PON1: variants seen among roughly 807,000 people sequenced by gnomAD.
PON1 encodes serum paraoxonase/arylesterase 1.
PON1 carries 37 observed loss-of-function variants against 39.2 expected under a neutral mutation model. The observed-to-expected ratio is 0.94, with a 90% CI of 0.73 to 1.24. PON1 has a LOEUF of 1.24. Among genes scored for constraint, PON1 ranks in the 50% most tolerant of loss-of-function variants. PON1 has a pLI of 0.00. For missense variants in PON1, 397 were observed against 413.5 expected, an observed-to-expected ratio of 0.96 and a Z score of 0.35; for synonymous variants, 148 against 152.2, an observed-to-expected ratio of 0.97 and a Z score of 0.21.
intron 5 of PON1, among the ~76,000 whole-genome samples, chr7:95,309,028 A>G (rs570072047): frequency 1.3e-5 from 2 of 152,198 alleles, no homozygotes; most frequent in Non-Finnish European, 2.9e-5. Context: ...GGAGAAAATT[A>G]TCTCTGCTCT....
intron 7 of PON1, among the ~76,000 whole-genome samples, chr7:95,303,594 A>T (rs938733000): frequency 6.6e-6 from 1 of 152,158 alleles, no homozygotes; most frequent in Non-Finnish European, 1.5e-5. Context: ...CTCCTACATG[A>T]GCTCTGCAAG....
rs3917539 is a variant in PON1, at chr7:95,308,384, T to TAA, written c.498-174_498-173insTT. 0.42 allele frequency among the ~76,000 whole-genome samples: 63,126 copies of TAA among 151,678 alleles called. 15,418 individuals are homozygous for TAA. The highest frequency in any genetic ancestry group is 0.67 in the African/African-American group (27,626 of 41,280). On this transcript the variant is annotated intron_variant, in intron 5 of 8. Transcript: ENST00000222381. ...AAATTAGTCCTGCCGATACAATCCT[T>TAA]AGACAATCATTGGTCTAAGAAATCT...
chr7:95,304,966 CT>C (rs1191171905), intron 7 of PON1, among the ~76,000 whole-genome samples: 2 of 152,154 alleles, frequency 1.3e-5, no homozygotes, highest in African/African-American at 2.4e-5. Flanking sequence ...AATTCTTTAA[CT>C]TTTGTTTTAC....
intron 5 of PON1, among the ~76,000 whole-genome samples, chr7:95,309,581 A>G (rs1807613028): frequency 6.6e-6 from 1 of 152,282 alleles, no homozygotes; most frequent in South Asian, 2.1e-4. Context: ...AATAGCTTTG[A>G]AATCTGATGG....
rs771512382 is a variant in PON1 at position 95,316,734 on chromosome 7, A to G, written c.201T>C (p.Ser67=). The G allele has an allele frequency of 1.2e-6, 2 of 1,612,688 alleles. No individual in the cohort carries two copies. The highest frequency in any genetic ancestry group is 4.5e-5 in the East Asian group (2 of 44,844). ...CAGAAAAGTGAAAGAAAACACTCACAGAGCTAATGAAAGCCAGTCCATTAG... is the reference window on the plus strand; with the variant it reads ...CAGAAAAGTGAAAGAAAACACTCACGGAGCTAATGAAAGCCAGTCCATTAG... ...ILPNGLAFIS[S]GLKYPGIKSF... The change falls in exon 3 of 9, where the codon TCT becomes TCC. Residue 67 remains serine, a splice_region_variant and synonymous_variant. Coordinates refer to ENST00000222381, the MANE Select transcript of PON1 (RefSeq NM_000446.7).
At chr7:95,304,027 C>T (rs1350914434) in intron 7 of PON1, among the ~76,000 whole-genome samples, 1 of 152,074 alleles carries the variant, frequency 6.6e-6, no homozygotes, top group Non-Finnish European at 1.5e-5. Context: ...GTGTAAAACT[C>T]AGTGGCATTA....
intron 5 of PON1, 86 bp downstream of exon 5, chr7:95,311,365 C>G: frequency 4.7e-6 from 7 of 1,503,176 alleles, no homozygotes; most frequent in Middle Eastern, 1.9e-4. Context: ...AACAGCCATA[C>G]CTACTCTGGC....
chr7:95,305,550 T>C (rs552128569), intron 7 of PON1, among the ~76,000 whole-genome samples: 24 of 152,266 alleles, frequency 1.6e-4, no homozygotes, highest in Admixed American at 2.6e-4. Flanking sequence ...ATAAAATATA[T>C]AGTATGTTAG....
At chr7:95,308,589 A>C (rs867112577) in intron 5 of PON1, among the ~76,000 whole-genome samples, 2 of 152,172 alleles carry the variant, frequency 1.3e-5, no homozygotes, top group Middle Eastern at 6.8e-3. Flanking sequence ...CAGGGCAAAA[A>C]TGTGCTCACA....
intron 4 of PON1, among the ~76,000 whole-genome samples, chr7:95,313,565 G>A (rs1807699875): frequency 6.6e-6 from 1 of 151,500 alleles, no homozygotes; most frequent in South Asian, 2.1e-4. Context: ...AAAACATAAT[G>A]GTGATGAATG....
At position 95,306,266 on chromosome 7, in the gene PON1, C is replaced by A. The variant is rs1372887052; in HGVS notation, c.780+19G>T. 6.5e-7 allele frequency: 1 copy of A among 1,527,206 alleles called. No homozygotes were observed. The highest frequency in any genetic ancestry group is 1.7e-5 in the Admixed American group (1 of 59,910). The allele number at this position is 1,527,206 out of a possible 1,614,324, so 94.6% of individuals were successfully genotyped here. A position where few individuals can be genotyped will look rare whatever the true frequency, so the allele number is the denominator to read the frequency against. On this transcript the variant is annotated intron_variant, in intron 7 of 8. Transcript: ENST00000222381. Reference sequence around the variant, plus strand: ...ATCTAATTATCACTCTGCAGACTTACAGTGTTAATACGTCTTACCTTCAAT... The same window carrying A: ...ATCTAATTATCACTCTGCAGACTTAAAGTGTTAATACGTCTTACCTTCAAT...
At chr7:95,315,573 A>G (rs902558675) in intron 3 of PON1, 83 bp from the exon 4 acceptor site, 50 of 1,423,804 alleles carry the variant, frequency 3.5e-5, no homozygotes, top group Non-Finnish European at 4.6e-5. Flanking sequence ...CCATGGGTTC[A>G]TGTTGACTGC....
At chr7:95,323,698 A>T (rs1807949547) in intron 1 of PON1, among the ~76,000 whole-genome samples, 1 of 152,162 alleles carries the variant, frequency 6.6e-6, no homozygotes, top group African/African-American at 2.4e-5. Flanking sequence ...GGAAGCAGGG[A>T]ACTAACATTT....
At chr7:95,302,632 GA>G (rs142523546) in intron 7 of PON1, among the ~76,000 whole-genome samples, 21 of 146,868 alleles carry the variant, frequency 1.4e-4, no homozygotes, top group Admixed American at 6.1e-4. Flanking sequence ...ACCTAAAACT[GA>G]AAAAAAAAAG....
At chr7:95,303,199 G>A (rs1253261627) in intron 7 of PON1, among the ~76,000 whole-genome samples, 5 of 152,142 alleles carry the variant, frequency 3.3e-5, no homozygotes, top group African/African-American at 7.2e-5. Flanking sequence ...GAAAACCAAC[G>A]TTTCCCTGTG....
At position 95,315,398 on chromosome 7, in the gene PON1, C is replaced by T. The variant is rs1246863450; in HGVS notation, c.294G>A (p.Leu98=). 2 of 1,613,758 alleles carry T rather than the reference C, an allele frequency of 1.2e-6. No homozygotes were observed. The highest frequency in any genetic ancestry group is 1.7e-6 in the Non-Finnish European group (2 of 1,179,672). ...ATTTACTTCCAGTGATCCCCAATTCCAACACTGTTGGATCTTCTTCATTCA... is the reference window on the plus strand; with the variant it reads ...ATTTACTTCCAGTGATCCCCAATTCTAACACTGTTGGATCTTCTTCATTCA... ...MDLNEEDPTV[L]ELGITGSKFD... is the part of the protein sequence containing the mutation. Residue 98 remains leucine, a synonymous_variant, in exon 4 of 9, where the codon TTG becomes TTA. Transcript: ENST00000222381.
chr7:95,315,252 T>C, intron 4 of PON1, 70 bp downstream of exon 4: 1 of 1,332,000 alleles, frequency 7.5e-7, no homozygotes. Flanking sequence ...AAATAATTCA[T>C]TTATTGGCAT....
chr7:95,322,816 T>C (rs918516476), intron 1 of PON1, among the ~76,000 whole-genome samples: 6 of 152,128 alleles, frequency 3.9e-5, no homozygotes, highest in Non-Finnish European at 8.8e-5. Context: ...ACTCTCTCAG[T>C]TCTTTTCTCT....
chr7:95,308,981 T>G (rs781181822), intron 5 of PON1, among the ~76,000 whole-genome samples: 27 of 152,180 alleles, frequency 1.8e-4, no homozygotes, highest in Admixed American at 3.3e-4. Flanking sequence ...CATTCTTTGC[T>G]GATTGAGGTG....
Sources: allele counts gnomAD v4.1 joint callset (sites outside exome capture counted in the v4.1 genomes callset), GRCh38; gene constraint gnomAD v4.1.1; transcripts MANE v1.5; gene names NCBI Gene and HGNC (gene_info 2026-07-23, HGNC 2026-07-21).